DOCK8: variants seen among roughly 807,000 people sequenced by gnomAD.
DOCK8 encodes dedicator of cytokinesis 8.
Under a neutral mutation model 245.6 loss-of-function variants are expected in DOCK8, and 141 were observed. That is an observed-to-expected ratio of 0.57 (90% CI 0.50 to 0.66). DOCK8 has a LOEUF of 0.66. Ranked by LOEUF, DOCK8 falls within the 30% of genes least tolerant of loss-of-function variation. DOCK8 has a pLI of 0.00. For missense variants in DOCK8, 2,965 were observed against 2,603.4 expected, an observed-to-expected ratio of 1.14 and a Z score of -3.02; for synonymous variants, 1,168 against 970.2, an observed-to-expected ratio of 1.20 and a Z score of -3.79.
At chr9:377,352 C>T (rs1003009222) in intron 20 of DOCK8, 141 bp downstream of exon 20, 15 of 713,668 alleles carry the variant, frequency 2.1e-5, no homozygotes, top group Non-Finnish European at 2.9e-5. Context: ...GAGGCCAAGT[C>T]TTATGCTATT....
intron 2 of DOCK8, among the ~76,000 whole-genome samples, chr9:281,334 A>G (rs1163712646): frequency 6.6e-6 from 1 of 152,200 alleles, no homozygotes; most frequent in Non-Finnish European, 1.5e-5. Flanking sequence ...ACTCTGAAAA[A>G]TCATGACATA....
chr9:379,748 C>T (rs2053664779), intron 20 of DOCK8, 23 bp from the exon 21 acceptor site: 1 of 1,613,906 alleles, frequency 6.2e-7, no homozygotes, highest in Admixed American at 1.7e-5. Flanking sequence ...GTGGGACTAC[C>T]CATTTTTCTC....
chr9:373,089 C>A (rs1427750453), intron 18 of DOCK8, among the ~76,000 whole-genome samples: 1 of 152,144 alleles, frequency 6.6e-6, no homozygotes, highest in African/African-American at 2.4e-5. Context: ...ATCGCTTTAA[C>A]CTGGGAAGTG....
intron 26 of DOCK8, among the ~76,000 whole-genome samples, chr9:400,967 T>TCCTCCACCATCACCACCATCA (rs2055032953): frequency 2.4e-5 from 1 of 42,346 alleles, no homozygotes; most frequent in South Asian, 7.6e-4. Context: ...CACCACCACC[T>TCCTCCACCATCACCACCATCA]CCTCCACCAT....
intron 14 of DOCK8, among the ~76,000 whole-genome samples, chr9:362,989 C>T (rs10814224): frequency 0.78 from 119,115 of 152,184 alleles, 47,977 homozygotes; most frequent in South Asian, 0.89. Context: ...AGTGACCAGA[C>T]TCCACAAGTT....
intron 24 of DOCK8, among the ~76,000 whole-genome samples, chr9:391,433 A>G (rs1238341316): frequency 6.6e-6 from 1 of 152,130 alleles, no homozygotes; most frequent in African/African-American, 2.4e-5. Context: ...GCAAGGCCCA[A>G]TTAATATCTG....
intron 5 of DOCK8, among the ~76,000 whole-genome samples, chr9:310,698 T>A (rs933519191): frequency 2.6e-5 from 4 of 152,158 alleles, no homozygotes; most frequent in Non-Finnish European, 5.9e-5. Flanking sequence ...TGACCTCAGG[T>A]GATCCGCCCA....
chr9:421,165 C>A, intron 32 of DOCK8, 87 bp downstream of exon 32: 1 of 1,545,548 alleles, frequency 6.5e-7, no homozygotes, highest in Non-Finnish European at 8.9e-7. Context: ...TGATTAGACA[C>A]CATTACTTTC....
At chr9:439,187 TG>T in intron 39 of DOCK8, 57 bp from the exon 40 acceptor site, 1 of 1,612,286 alleles carries the variant, frequency 6.2e-7, no homozygotes, top group Non-Finnish European at 8.5e-7. Context: ...GGGGTTCCTG[TG>T]GTCTCTTACT....
At position 339,029 on chromosome 9, in the gene DOCK8, A is replaced by G. The variant is rs1010150916; in HGVS notation, c.1446A>G (p.Glu482=). Reference sequence around the variant, plus strand: ...AGGAAGGAGATCGCCTTAGCGATGAAGACTTATTCAAGTTTTTAGCTGACT... The same window carrying G: ...AGGAAGGAGATCGCCTTAGCGATGAGGACTTATTCAAGTTTTTAGCTGACT... ...FKQEGDRLSD[E]DLFKFLADYK... is the part of the protein sequence containing the mutation. The change falls in exon 13 of 48, where the codon GAA becomes GAG. Residue 482 remains glutamate (E), a synonymous_variant. Transcript: ENST00000432829. The G allele has an allele frequency of 6.2e-7, 1 of 1,614,164 alleles. No homozygotes were observed. Among genetic ancestry groups the G allele is most frequent in the Admixed American group, 1.7e-5 (1 of 60,032 alleles).
chr9:449,283 G>A (rs1007433677), intron 44 of DOCK8, among the ~76,000 whole-genome samples: 4 of 152,148 alleles, frequency 2.6e-5, no homozygotes, highest in African/African-American at 9.7e-5. Flanking sequence ...CCGGGAGGCG[G>A]AGATTGCAGT....
chr9:356,249 C>G (rs1337412635), intron 14 of DOCK8, among the ~76,000 whole-genome samples: 1 of 152,146 alleles, frequency 6.6e-6, no homozygotes, highest in Non-Finnish European at 1.5e-5. Context: ...AAAATTTTGG[C>G]TGGGCGTGGT....
intron 4 of DOCK8, among the ~76,000 whole-genome samples, chr9:290,543 C>G (rs1035599154): frequency 6.6e-6 from 1 of 152,182 alleles, no homozygotes; most frequent in Admixed American, 6.5e-5. Context: ...GGATCTTTCT[C>G]TCCTGGATTA....
At chr9:227,996 T>C (rs1260890568) in intron 1 of DOCK8, among the ~76,000 whole-genome samples, 6 of 152,156 alleles carry the variant, frequency 3.9e-5, no homozygotes, top group Non-Finnish European at 7.3e-5. Flanking sequence ...AAGGTGGTCA[T>C]TGAAAACCTC....
At chr9:214,676 C>T, upstream of DOCK8, 1 of 1,588,746 alleles carries the variant, frequency 6.3e-7, no homozygotes, top group Non-Finnish European at 8.6e-7. Flanking sequence ...TCGGCGGCCC[C>T]GGGCAGAGCG....
chr9:400,690 C>A (rs1281110186), intron 26 of DOCK8, among the ~76,000 whole-genome samples: 10 of 127,728 alleles, frequency 7.8e-5, no homozygotes, highest in Admixed American at 1.5e-4. Flanking sequence ...TCACCACCAC[C>A]TCCACCACCA....
chr9:336,761 T>G, intron 12 of DOCK8, 43 bp downstream of exon 12: 1 of 1,612,040 alleles, frequency 6.2e-7, no homozygotes, highest in South Asian at 1.1e-5. Flanking sequence ...TTCCCCATAC[T>G]GGCATGGGCA....
chr9:311,903 C>A, intron 5 of DOCK8, 51 bp from the exon 6 acceptor site: 1 of 1,603,300 alleles, frequency 6.2e-7, no homozygotes, highest in Non-Finnish European at 8.5e-7. Flanking sequence ...CTTCGGTTCT[C>A]ATTTTAGACT....
chr9:238,035 T>C (rs2047297966), intron 1 of DOCK8, among the ~76,000 whole-genome samples: 1 of 152,194 alleles, frequency 6.6e-6, no homozygotes, highest in Non-Finnish European at 1.5e-5. Context: ...ATGAGTCACG[T>C]TACTTTTTGT....
Sources: allele counts gnomAD v4.1 joint callset (sites outside exome capture counted in the v4.1 genomes callset), GRCh38; gene constraint gnomAD v4.1.1; transcripts MANE v1.5; gene names NCBI Gene and HGNC (gene_info 2026-07-23, HGNC 2026-07-21).